The following BCL2L14 variants were observed in gnomAD, a reference collection of about 807,000 sequenced individuals.
The protein encoded by BCL2L14 is BCL2 like 14, also known as apoptosis facilitator Bcl-2-like protein 14.
BCL2L14 carries 27 observed loss-of-function variants against 35.3 expected under a neutral mutation model. The observed-to-expected ratio is 0.76, with a 90% CI of 0.56 to 1.05. The LOEUF is 1.05. Ranked by LOEUF, BCL2L14 falls within the 50% of genes least tolerant of loss-of-function variation. The pLI, the probability that BCL2L14 is intolerant of heterozygous loss-of-function variation, is 0.00. For synonymous variants in BCL2L14, 139 were observed against 145.9 expected, an observed-to-expected ratio of 0.95 and a Z score of 0.34; for missense variants, 377 against 382.6, an observed-to-expected ratio of 0.99 and a Z score of 0.12.
chr12:12,088,364 C>T (rs564004734), intron 3 of BCL2L14, among the ~76,000 whole-genome samples: 123 of 152,202 alleles, frequency 8.1e-4, no homozygotes, highest in African/African-American at 2.9e-3. Context: ...GGCCACCCCA[C>T]CCTCATCTTA....
Position 12,097,043 on chromosome 12 carries a change from G to A in BCL2L14, c.946-1907G>A, listed in dbSNP as rs573096813. Reference sequence around the variant, plus strand: ...CCTGTAGTCCCAGCTACTCAGGGGGGCTGAGGTAGGAGAATGGTGTAAACC... The same window carrying A: ...CCTGTAGTCCCAGCTACTCAGGGGGACTGAGGTAGGAGAATGGTGTAAACC... On this transcript the variant is annotated intron_variant, in intron 5 of 5. Coordinates refer to ENST00000308721, the MANE Select transcript of BCL2L14 (RefSeq NM_138723.2). Among the ~76,000 whole-genome samples the A allele has an allele frequency of 5.3e-5, 8 of 152,304 alleles. No individual in the cohort carries two copies. In the South Asian group the frequency reaches 1.5e-3, roughly 28 times the overall value.
chr12:12,079,434 C>G lies in BCL2L14; in HGVS notation c.129C>G (p.Phe43Leu), dbSNP rs775821732. 4 of 1,614,236 alleles carry G rather than the reference C, an allele frequency of 2.5e-6. No individual in the cohort carries two copies. Residue 43 changes from phenylalanine (F) to leucine (L), a missense_variant, in exon 2 of 6, where the codon TTC (phenylalanine) becomes TTG (leucine). Transcript: ENST00000308721. ...TCTTCAAGAGCACCCCTGCTCTCTT[C>G]TCACCAAAGCTGCTGAGAACAAGAA... ...HHVFKSTPAL[F>L]SPKLLRTRSL...
intron 3 of BCL2L14, among the ~76,000 whole-genome samples, chr12:12,089,784 G>A (rs1316204196): frequency 6.6e-6 from 1 of 152,078 alleles, no homozygotes; most frequent in Non-Finnish European, 1.5e-5. Context: ...TTGGCCATAG[G>A]GGAATTTATT....
chr12:12,090,646 TAAAAAA>T (rs76419621), intron 3 of BCL2L14, 127 bp from the exon 4 acceptor site: 2 of 321,636 alleles, frequency 6.2e-6, no homozygotes, highest in South Asian at 9.1e-5. Flanking sequence ...AAATAAAAAA[TAAAAAA>T]AAAAAAAAGA....
At chr12:12,058,650 A>G (rs1328657536) in intron 2 of BCL2L14, among the ~76,000 whole-genome samples, 3 of 150,730 alleles carry the variant, frequency 2.0e-5, no homozygotes, top group Non-Finnish European at 4.4e-5. Flanking sequence ...CCCAAATCCT[A>G]TAAAACAGCC....
intron 5 of BCL2L14, chr12:12,095,413 A>G (rs1301155247): frequency 2.0e-6 from 2 of 985,204 alleles, no homozygotes; most frequent in Non-Finnish European, 2.4e-6. Flanking sequence ...TGACATTTTG[A>G]TACCAAATAA....
chr12:12,075,099 AAT>A (rs1418794410), intron 1 of BCL2L14, among the ~76,000 whole-genome samples: 1 of 151,616 alleles, frequency 6.6e-6, no homozygotes, highest in Non-Finnish European at 1.5e-5. Flanking sequence ...CTTTTTTTTT[AAT>A]ATGTTTCTTT....
rs192533621 is a variant in BCL2L14, at chr12:12,060,092, C to T, written c.-272+8245C>T. ...CTGACCTCTCTCCTCCTCGCCAGGCCGAGCTAGGTCGCAATTCTTCCTCAG... is the reference window on the plus strand; with the variant it reads ...CTGACCTCTCTCCTCCTCGCCAGGCTGAGCTAGGTCGCAATTCTTCCTCAG... On this transcript the variant is annotated intron_variant, in intron 2 of 3. Transcript: ENST00000461264. Among the ~76,000 whole-genome samples the T allele has an allele frequency of 2.7e-3, 408 of 151,674 alleles. 3 individuals carry two copies. Among genetic ancestry groups the T allele is most frequent in the Middle Eastern group, 0.01 (3 of 294 alleles).
rs555794881 is a variant in BCL2L14, at chr12:12,070,943, T to C, written c.-202T>C. 6.6e-6 allele frequency: 1 copy of C among 152,300 alleles called. No homozygotes were observed. Among genetic ancestry groups the C allele is most frequent in the East Asian group, 1.9e-4 (1 of 5,182 alleles). The allele number at this position is 152,300 out of a possible 1,614,324, so 9.4% of individuals were successfully genotyped here. A position where few individuals can be genotyped will look rare whatever the true frequency, so the allele number is the denominator to read the frequency against. ...AGTGGTTCTCCTTCTTTAAGCCTCT[T>C]TTCAGGCTGAGTCCTAAACCTGAAG... On this transcript the variant is annotated 5_prime_UTR_variant, in exon 1 of 6. Coordinates refer to ENST00000308721, the MANE Select transcript of BCL2L14 (RefSeq NM_138723.2).
chr12:12,097,062 G>A (rs1242863250), intron 5 of BCL2L14, among the ~76,000 whole-genome samples: 1 of 152,158 alleles, frequency 6.6e-6, no homozygotes, highest in Non-Finnish European at 1.5e-5. Flanking sequence ...GGAGAATGGT[G>A]TAAACCTGGG....
At chr12:12,075,429 CTTTCTTTTTTTT>C (rs1948760185) in intron 1 of BCL2L14, among the ~76,000 whole-genome samples, 1 of 121,722 alleles carries the variant, frequency 8.2e-6, no homozygotes. Flanking sequence ...TTCTTTCTTT[CTTTCTTTTTTTT>C]TTGAGACGGA....
chr12:12,073,980 C>T (rs1241107884), intron 1 of BCL2L14, among the ~76,000 whole-genome samples: 2 of 152,048 alleles, frequency 1.3e-5, no homozygotes, highest in Non-Finnish European at 2.9e-5. Flanking sequence ...CAACAGCTTC[C>T]CCTCCTAGGG....
upstream of BCL2L14, chr12:12,068,178 C>G: frequency 2.5e-6 from 1 of 398,634 alleles, no homozygotes. Flanking sequence ...CTCCAGGACA[C>G]AGTCTGTCCT....
In BCL2L14 at chr12:12,099,147, C is replaced by A. The variant is rs185276807; in HGVS notation, c.*159C>A. 4.8e-5 allele frequency: 29 copies of A among 601,758 alleles called. No individual in the cohort carries two copies. The Admixed American group carries it at 8.1e-4, about 17-fold the overall frequency. 37.3% of individuals were successfully genotyped at this position (601,758 alleles called of 1,614,324 possible). On this transcript the variant is annotated 3_prime_UTR_variant, in exon 6 of 6. Transcript: ENST00000308721. The stretch of plus-strand genomic sequence containing the variant: ...ACTGGAGAGGCATCAGGAGAGGTCT[C>A]GTTCGTCTCCAGCTCATAAAATGTA...
At chr12:12,095,762 G>T (rs1949301015) in intron 5 of BCL2L14, 1 of 985,280 alleles carries the variant, frequency 1.0e-6, no homozygotes, top group African/African-American at 1.7e-5. Context: ...CACAGCCTTG[G>T]TCTCTTTGCT....
chr12:12,095,262 GA>G, intron 5 of BCL2L14: 1 of 985,322 alleles, frequency 1.0e-6, no homozygotes, highest in Non-Finnish European at 1.2e-6. Context: ...GCAGGCAACG[GA>G]AGTCTGGCAG....
At chr12:12,081,091 G>T (rs1042227909) in intron 2 of BCL2L14, among the ~76,000 whole-genome samples, 1 of 152,078 alleles carries the variant, frequency 6.6e-6, no homozygotes, top group Admixed American at 6.6e-5. Flanking sequence ...GGAGGCTGAG[G>T]TGGGAGGATG....
At chr12:12,081,822 G>A (rs547714605) in intron 2 of BCL2L14, among the ~76,000 whole-genome samples, 1 of 152,272 alleles carries the variant, frequency 6.6e-6, no homozygotes, top group Non-Finnish European at 1.5e-5. Context: ...CTCCCGAAGT[G>A]CTGGGATTAC....
At chr12:12,067,067 T>G (rs547103876), upstream of BCL2L14, among the ~76,000 whole-genome samples, 21 of 151,128 alleles carry the variant, frequency 1.4e-4, no homozygotes, top group South Asian at 4.2e-4. Context: ...ATTTGATTTT[T>G]ATTTTGATTT....
Sources: allele counts gnomAD v4.1 joint callset (sites outside exome capture counted in the v4.1 genomes callset), GRCh38; gene constraint gnomAD v4.1.1; transcripts MANE v1.5; gene names NCBI Gene and HGNC (gene_info 2026-07-23, HGNC 2026-07-21).